WDFY4: variants seen among roughly 807,000 people sequenced by gnomAD.
WDFY4 encodes WD repeat- and FYVE domain-containing protein 4.
A neutral mutation model predicts 351.9 loss-of-function variants in WDFY4; 169 were observed. That is an observed-to-expected ratio of 0.48 (90% CI 0.42 to 0.55). The LOEUF is 0.55. Among genes scored for constraint, WDFY4 ranks in the 20% least tolerant of loss-of-function variants. The pLI is 0.00. For missense variants in WDFY4, 3,803 were observed against 3,935.6 expected (o/e 0.97, Z 0.90); for synonymous variants, 1,622 against 1,574.6 (o/e 1.03, Z -0.71).
chr10:48,897,329 G>A (rs933332044), intron 44 of WDFY4, 125 bp from the exon 45 acceptor site: 26 of 1,350,944 alleles, frequency 1.9e-5, no homozygotes, highest in Middle Eastern at 3.7e-4. Flanking sequence ...AGTGACCACC[G>A]CACTTCTCTG....
chr10:48,874,767 C>G (rs2069929044), intron 41 of WDFY4, among the ~76,000 whole-genome samples: 1 of 152,200 alleles, frequency 6.6e-6, no homozygotes, highest in Non-Finnish European at 1.5e-5. Context: ...TGGAACCTCC[C>G]CTGGTCCCCT....
At chr10:48,908,221 A>G (rs923447590) in intron 47 of WDFY4, among the ~76,000 whole-genome samples, 2 of 152,062 alleles carry the variant, frequency 1.3e-5, no homozygotes, top group Non-Finnish European at 2.9e-5. Flanking sequence ...ACCCAGCCAC[A>G]TTGCTTCCAC....
chr10:48,910,089 A>G (rs1837861158), intron 47 of WDFY4: 1 of 695,822 alleles, frequency 1.4e-6, no homozygotes, highest in Admixed American at 2.1e-5. Flanking sequence ...GAATTTGAGA[A>G]GCAAGTCGGT....
At chr10:48,820,573 G>C in intron 33 of WDFY4, 136 bp downstream of exon 33, 2 of 999,540 alleles carry the variant, frequency 2.0e-6, no homozygotes, top group Non-Finnish European at 2.9e-6. Flanking sequence ...TGAACCATGG[G>C]CCCCAAAAAA....
In WDFY4 at chr10:48,731,180, C is replaced by T. The variant is rs1218288586; in HGVS notation, c.1200C>T (p.Val400=). 1.9e-6 allele frequency: 3 copies of T among 1,551,792 alleles called. No homozygotes were observed. Among genetic ancestry groups the T allele is most frequent in the Non-Finnish European group, 2.6e-6 (3 of 1,147,008 alleles). ...TTTTCCACAAAGCCAGTGACTCTGT[C>T]CTCTGCATACAAGTCTTGTCAGTCA... ...QNVFHKASDS[V]LCIQVLSVIR... is the part of the protein sequence containing the mutation. The change falls in exon 9 of 62, where the codon GTC becomes GTT. Residue 400 remains valine (V), a synonymous_variant. Transcript: ENST00000325239.
chr10:48,731,626 C>A (rs2064463722), intron 9 of WDFY4, 64 bp downstream of exon 9: 3 of 1,474,730 alleles, frequency 2.0e-6, no homozygotes, highest in East Asian at 5.0e-5. Context: ...GACCTTTGGG[C>A]CAATCTGGCT....
chr10:48,707,155 A>G (rs1279910318), intron 1 of WDFY4, among the ~76,000 whole-genome samples: 2 of 152,252 alleles, frequency 1.3e-5, no homozygotes, highest in Admixed American at 1.3e-4. Flanking sequence ...AAAGGCTAAC[A>G]GGCATGTAAA....
intron 51 of WDFY4, among the ~76,000 whole-genome samples, chr10:48,949,867 A>G (rs1354004267): frequency 1.3e-5 from 2 of 152,032 alleles, no homozygotes; most frequent in Admixed American, 6.5e-5. Context: ...TTTCTTTCTT[A>G]GGGTTCAGTC....
At chr10:48,974,536 ATG>A (rs1161278802) in intron 57 of WDFY4, among the ~76,000 whole-genome samples, 8,984 of 19,750 alleles carry the variant, frequency 0.45, 3,816 homozygotes, top group Non-Finnish European at 0.77. Flanking sequence ...AAAACAACTC[ATG>A]ACATGAACTG....
intron 39 of WDFY4, among the ~76,000 whole-genome samples, chr10:48,858,716 G>T (rs2663049): frequency 6.6e-6 from 1 of 151,866 alleles, no homozygotes. Flanking sequence ...CACCAGTTTT[G>T]GAAACTCGTC....
At chr10:48,872,030 A>G (rs1346074887) in intron 40 of WDFY4, among the ~76,000 whole-genome samples, 1 of 152,182 alleles carries the variant, frequency 6.6e-6, no homozygotes, top group Non-Finnish European at 1.5e-5. Context: ...ACTGATGAGG[A>G]AGTTGAAGAT....
intron 32 of WDFY4, among the ~76,000 whole-genome samples, chr10:48,819,835 G>T (rs1313886871): frequency 1.3e-5 from 2 of 152,124 alleles, no homozygotes; most frequent in African/African-American, 4.8e-5. Context: ...GTCTACCAGG[G>T]GCTGGGCATT....
At chr10:48,881,305 G>A (rs1259919639) in intron 43 of WDFY4, among the ~76,000 whole-genome samples, 1 of 152,264 alleles carries the variant, frequency 6.6e-6, no homozygotes, top group East Asian at 1.9e-4. Flanking sequence ...ATCCTGTTAA[G>A]ACTGAGGCTC....
Position 48,774,543 on chromosome 10 carries a change from C to T in WDFY4, c.2639C>T (p.Ala880Val). ...SEKNRQVMCEAGLLGTLMASC... is the reference protein window; with the variant it reads ...SEKNRQVMCEVGLLGTLMASC... ...AAGAACCGCCAGGTCATGTGCGAAG[C>T]AGGCTTGCTTGGGACCCTCATGGCC... is the stretch of plus-strand genomic sequence containing the variant. The change falls in exon 14 of 62, where the codon GCA becomes GTA. Residue 880 changes from alanine to valine, a missense_variant. Around this residue, in one of 3 missense-constraint regions of WDFY4, gnomAD observed 3,054 missense variants for 3,148.6 expected, o/e 0.97. Coordinates refer to ENST00000325239, the MANE Select transcript of WDFY4 (RefSeq NM_001394531.1). 1 of 1,551,652 alleles carries T rather than the reference C, an allele frequency of 6.4e-7. No homozygotes were observed. Among genetic ancestry groups the T allele is most frequent in the Non-Finnish European group, 8.7e-7 (1 of 1,146,954 alleles).
chr10:48,779,445 G>A (rs917178589), intron 18 of WDFY4, among the ~76,000 whole-genome samples: 2 of 152,230 alleles, frequency 1.3e-5, no homozygotes, highest in African/African-American at 4.8e-5. Context: ...TCCTGAGAGT[G>A]TCACTGTTTC....
chr10:48,685,509 C>T (rs2063019278), intron 1 of WDFY4, among the ~76,000 whole-genome samples: 1 of 152,224 alleles, frequency 6.6e-6, no homozygotes, highest in African/African-American at 2.4e-5. Flanking sequence ...TATCCCGGCC[C>T]TGTCATTACT....
chr10:48,720,237 T>G (rs1419122083), intron 3 of WDFY4, 112 bp downstream of exon 3: 7 of 1,112,134 alleles, frequency 6.3e-6, no homozygotes, highest in Non-Finnish European at 7.6e-6. Context: ...CAGTGTTGCC[T>G]GCCAAAGAGA....
chr10:48,755,308 C>A (rs1202432385), intron 12 of WDFY4, among the ~76,000 whole-genome samples: 1 of 152,146 alleles, frequency 6.6e-6, no homozygotes, highest in East Asian at 1.9e-4. Context: ...TGTTTCCTCC[C>A]AGCCTATAGC....
At chr10:48,766,244 A>G (rs1377074647) in intron 13 of WDFY4, among the ~76,000 whole-genome samples, 1 of 152,196 alleles carries the variant, frequency 6.6e-6, no homozygotes, top group Admixed American at 6.5e-5. Context: ...CCTCAGTGGA[A>G]AATCTCAGGT....
Sources: allele counts gnomAD v4.1 joint callset (sites outside exome capture counted in the v4.1 genomes callset), GRCh38; gene constraint gnomAD v4.1.1; regional missense constraint gnomAD v4.1.1; transcripts MANE v1.5; gene names NCBI Gene and HGNC (gene_info 2026-07-23, HGNC 2026-07-21).